PRKG1: variants seen among roughly 807,000 people sequenced by gnomAD.
PRKG1 encodes the protein protein kinase cGMP-dependent 1, also known as cGMP-dependent protein kinase 1.
Under a neutral mutation model 88.1 loss-of-function variants are expected in PRKG1, and 35 were observed. The ratio of observed to expected loss-of-function variants is 0.40; its 90% confidence interval spans 0.30 to 0.53. The LOEUF (loss-of-function observed/expected upper bound fraction) is 0.53, where lower values mean the gene tolerates loss of function less well. PRKG1 is among the 20% of genes least tolerant of loss of function. The probability of loss-of-function intolerance (pLI) is 0.59; values close to 1 mark genes in which losing one functional copy is unlikely to be tolerated. For synonymous variants in PRKG1, 303 were observed against 292.5 expected (o/e 1.04, Z -0.37); for missense variants, 540 against 839.8 (o/e 0.64, Z 4.41).
chr10:51,659,212 G>C (rs984985836), intron 3 of PRKG1, among the ~76,000 whole-genome samples: 1 of 152,066 alleles, frequency 6.6e-6, no homozygotes, highest in Non-Finnish European at 1.5e-5. Flanking sequence ...TGGGTTAGGG[G>C]TCCAGTAGAG....
chr10:51,050,505 G>T (rs1463694253), intron 1 of PRKG1, among the ~76,000 whole-genome samples: 1 of 152,060 alleles, frequency 6.6e-6, no homozygotes, highest in Non-Finnish European at 1.5e-5. Context: ...CTTTTTCAGA[G>T]ACTAGATAAT....
At chr10:51,204,677 G>T (rs1443851735) in intron 2 of PRKG1, among the ~76,000 whole-genome samples, 2 of 152,072 alleles carry the variant, frequency 1.3e-5, no homozygotes, top group Admixed American at 6.6e-5. Flanking sequence ...TGCCTCTCTA[G>T]CTTCAAATGG....
chr10:51,375,178 TAG>T (rs1480977017), intron 2 of PRKG1, among the ~76,000 whole-genome samples: 4 of 152,346 alleles, frequency 2.6e-5, no homozygotes, highest in African/African-American at 7.2e-5. Flanking sequence ...GGGGTCATCT[TAG>T]AGTCTATCTG....
intron 2 of PRKG1, among the ~76,000 whole-genome samples, chr10:51,201,770 A>T (rs112617623): frequency 0.02 from 3,087 of 152,248 alleles, 46 homozygotes; most frequent in Middle Eastern, 0.045. Flanking sequence ...TGCAACCTGC[A>T]AGAGTCCTCA....
At chr10:51,392,217 A>G (rs911370427) in intron 2 of PRKG1, among the ~76,000 whole-genome samples, 10 of 151,210 alleles carry the variant, frequency 6.6e-5, no homozygotes, top group Admixed American at 2.0e-4. Flanking sequence ...TAATGGAGGG[A>G]GGGTCAGCAG....
chr10:51,383,749 C>A (rs890149899), intron 2 of PRKG1, among the ~76,000 whole-genome samples: 5 of 152,132 alleles, frequency 3.3e-5, no homozygotes, highest in Non-Finnish European at 7.3e-5. Flanking sequence ...ATTTTTGGAC[C>A]TCACATGTTA....
chr10:51,960,203 G>A (rs1367575407), intron 5 of PRKG1, among the ~76,000 whole-genome samples: 3 of 150,962 alleles, frequency 2.0e-5, no homozygotes, highest in South Asian at 2.1e-4. Flanking sequence ...GTACCATTTA[G>A]CATCCTTATC....
chr10:51,291,468 T>A (rs190215655), intron 2 of PRKG1, among the ~76,000 whole-genome samples: 22 of 152,322 alleles, frequency 1.4e-4, no homozygotes, highest in African/African-American at 4.8e-4. Flanking sequence ...TAGGTCCAGT[T>A]GAAAAGAGAC....
chr10:51,883,866 C>A (rs1459518195), intron 4 of PRKG1, among the ~76,000 whole-genome samples: 3 of 152,004 alleles, frequency 2.0e-5, no homozygotes, highest in Admixed American at 6.5e-5. Context: ...TGTGTCCTTC[C>A]AGGAGGTAGA....
At chr10:51,026,094 C>A (rs968451650) in intron 1 of PRKG1, among the ~76,000 whole-genome samples, 1 of 151,962 alleles carries the variant, frequency 6.6e-6, no homozygotes, top group Non-Finnish European at 1.5e-5. Context: ...CAAAGAACAC[C>A]AAAGATTGAC....
At chr10:52,131,223 C>T (rs145349226) in intron 7 of PRKG1, among the ~76,000 whole-genome samples, 359 of 152,214 alleles carry the variant, frequency 2.4e-3, no homozygotes, top group Non-Finnish European at 3.7e-3. Context: ...TGGGATGAAA[C>T]GGGGAGCAAA....
intron 3 of PRKG1, among the ~76,000 whole-genome samples, chr10:51,473,332 A>G (rs144073032): frequency 1.7e-4 from 26 of 151,956 alleles, no homozygotes; most frequent in African/African-American, 5.3e-4. Flanking sequence ...AAGTAGACGA[A>G]AAATGAATTT....
At chr10:51,244,956 A>G (rs1284688557) in intron 2 of PRKG1, 2 of 152,046 alleles carry the variant, frequency 1.3e-5, no homozygotes, top group Non-Finnish European at 1.5e-5. Context: ...GGATATACCA[A>G]TGCAGACTGC....
intron 5 of PRKG1, chr10:51,909,796 G>C (rs1329168192): frequency 6.6e-6 from 1 of 152,038 alleles, no homozygotes; most frequent in African/African-American, 2.4e-5. Flanking sequence ...AGTCAGCAAA[G>C]CTTGGATTTT....
At chr10:51,366,907 G>A (rs866690708) in intron 2 of PRKG1, among the ~76,000 whole-genome samples, 33 of 151,610 alleles carry the variant, frequency 2.2e-4, no homozygotes, top group South Asian at 4.2e-4. Context: ...CTACCCTTCC[G>A]ACCCCTCCGA....
chr10:51,129,304 C>G (rs1019379669), intron 1 of PRKG1, among the ~76,000 whole-genome samples: 3 of 151,830 alleles, frequency 2.0e-5, no homozygotes, highest in African/African-American at 7.3e-5. Context: ...GACAAAGCCC[C>G]ATCTCTACTA....
intron 2 of PRKG1, among the ~76,000 whole-genome samples, chr10:51,397,857 C>T (rs757396536): frequency 6.6e-6 from 1 of 152,178 alleles, no homozygotes; most frequent in Non-Finnish European, 1.5e-5. Flanking sequence ...TGCTATGAAT[C>T]AGATGTCCTT....
At chr10:51,931,491 G>A (rs1842694482) in intron 5 of PRKG1, among the ~76,000 whole-genome samples, 1 of 152,116 alleles carries the variant, frequency 6.6e-6, no homozygotes, top group African/African-American at 2.4e-5. Flanking sequence ...TGCTAAAGAT[G>A]GGAAGGACCC....
At chr10:51,795,984 A>G (rs1839000678) in intron 3 of PRKG1, among the ~76,000 whole-genome samples, 1 of 152,118 alleles carries the variant, frequency 6.6e-6, no homozygotes, top group Admixed American at 6.6e-5. Flanking sequence ...CTAATGTTCT[A>G]CTGCAGGGGA....
Sources: gnomAD v4.1 joint callset for allele counts (sites outside exome capture counted in the v4.1 genomes callset) on GRCh38, gnomAD v4.1.1 for gene constraint, MANE v1.5 for transcripts, NCBI Gene and HGNC (gene_info 2026-07-23, HGNC 2026-07-21) for gene names.